ATRNL1: variants seen among roughly 807,000 people sequenced by gnomAD.
ATRNL1 encodes attractin-like protein 1.
Under a neutral mutation model 182.7 loss-of-function variants are expected in ATRNL1, and 95 were observed. The ratio of observed to expected loss-of-function variants is 0.52; its 90% CI spans 0.44 to 0.62. The LOEUF is 0.62. Among genes scored for constraint, ATRNL1 ranks in the 20% least tolerant of loss-of-function variants. The pLI, the probability that ATRNL1 is intolerant of heterozygous loss-of-function variation, is 0.00. For synonymous variants in ATRNL1, 576 were observed against 568.3 expected (o/e 1.01, Z -0.19); for missense variants, 1,471 against 1,679.5 (o/e 0.88, Z 2.17).
At chr10:115,829,197 C>G (rs1950506327) in intron 27 of ATRNL1, among the ~76,000 whole-genome samples, 1 of 152,080 alleles carries the variant, frequency 6.6e-6, no homozygotes, top group African/African-American at 2.4e-5. Flanking sequence ...ATGACCAGAC[C>G]TACAGGAAGA....
chr10:115,637,236 C>T (rs2133846476), intron 26 of ATRNL1, among the ~76,000 whole-genome samples: 1 of 152,202 alleles, frequency 6.6e-6, no homozygotes, highest in East Asian at 1.9e-4. Flanking sequence ...CACACAAGTC[C>T]TTTAGGAAGC....
intron 27 of ATRNL1, among the ~76,000 whole-genome samples, chr10:115,735,475 G>A (rs1947923347): frequency 6.6e-6 from 1 of 151,658 alleles, no homozygotes; most frequent in Admixed American, 6.6e-5. Context: ...TGAAATATGG[G>A]ATAGTACCAA....
chr10:115,134,899 G>A lies in ATRNL1; in HGVS notation c.829+5364G>A, dbSNP rs549923514. 4.6e-3 allele frequency among the ~76,000 whole-genome samples: 699 copies of A among 152,134 alleles called. 4 individuals are homozygous for A. The highest frequency in any genetic ancestry group is 0.015 in the African/African-American group (608 of 41,480). ...GTTCAACATATGCAAATCAATAAGC[G>A]TAATCCAGCATATAAACAGAACCAA... On this transcript the variant is annotated intron_variant, in intron 5 of 28. Transcript: ENST00000355044.
chr10:115,165,076 A>G (rs1466132767), intron 6 of ATRNL1, among the ~76,000 whole-genome samples: 7 of 152,200 alleles, frequency 4.6e-5, no homozygotes, highest in Admixed American at 3.3e-4. Flanking sequence ...TCAAAATACC[A>G]TGTGTATACC....
At chr10:115,119,286 A>G (rs1223359379) in intron 1 of ATRNL1, among the ~76,000 whole-genome samples, 1 of 152,076 alleles carries the variant, frequency 6.6e-6, no homozygotes, top group Non-Finnish European at 1.5e-5. Context: ...TTAAGGCTCT[A>G]TACTATAAGG....
chr10:115,503,649 A>G (rs1849958125), intron 24 of ATRNL1, among the ~76,000 whole-genome samples: 1 of 144,728 alleles, frequency 6.9e-6, no homozygotes, highest in African/African-American at 2.9e-5. Flanking sequence ...AGACCATTAC[A>G]ATTTCCCTTT....
chr10:115,131,203 A>G (rs1023366634), intron 5 of ATRNL1, among the ~76,000 whole-genome samples: 3 of 152,034 alleles, frequency 2.0e-5, no homozygotes, highest in Non-Finnish European at 4.4e-5. Context: ...TCAGTAGTCT[A>G]AGAACTACTT....
chr10:115,683,261 G>A (rs1198208076), intron 26 of ATRNL1, among the ~76,000 whole-genome samples: 5 of 151,886 alleles, frequency 3.3e-5, no homozygotes, highest in African/African-American at 9.7e-5. Flanking sequence ...CAACAGAGGT[G>A]CAAACATTAA....
At position 115,098,453 on chromosome 10, in the gene ATRNL1, C is replaced by CT. The variant is rs71010006; in HGVS notation, c.293+4436dup. 3.8e-3 allele frequency among the ~76,000 whole-genome samples: 304 copies of CT among 80,740 alleles called. 44 individuals are homozygous for CT. Among genetic ancestry groups the CT allele is most frequent in the African/African-American group, 0.01 (163 of 16,026 alleles). The allele number at this position is 80,740 out of a possible 152,430, so 53.0% of individuals were successfully genotyped here. On this transcript the variant is annotated intron_variant, in intron 1 of 28. Coordinates refer to ENST00000355044, the MANE Select transcript of ATRNL1 (RefSeq NM_207303.4). ...CTAATCTTAGCTTAAATACTAGTTT[C>CT]TTTTTTTTTTTTTTTTTTTTTTTTT...
At chr10:115,167,533 T>C (rs868928499) in intron 7 of ATRNL1, among the ~76,000 whole-genome samples, 2 of 152,050 alleles carry the variant, frequency 1.3e-5, no homozygotes, top group African/African-American at 4.8e-5. Context: ...AGGACACTTG[T>C]TTGGTTTTCA....
chr10:115,424,082 G>A (rs1055100044), intron 20 of ATRNL1, among the ~76,000 whole-genome samples: 4 of 152,024 alleles, frequency 2.6e-5, no homozygotes, highest in Non-Finnish European at 5.9e-5. Context: ...GAACTCAATA[G>A]CAAAAAACCC....
At chr10:115,177,953 CTG>C (rs1847596426) in intron 8 of ATRNL1, among the ~76,000 whole-genome samples, 1 of 106,618 alleles carries the variant, frequency 9.4e-6, no homozygotes, top group Non-Finnish European at 1.7e-5. Context: ...CAGTCTGACT[CTG>C]TTGCAGGGGC....
intron 25 of ATRNL1, among the ~76,000 whole-genome samples, chr10:115,542,627 A>G (rs1490416185): frequency 2.0e-5 from 3 of 152,208 alleles, no homozygotes; most frequent in Non-Finnish European, 4.4e-5. Context: ...AAATGTAGCT[A>G]GGACCCTGAT....
intron 9 of ATRNL1, among the ~76,000 whole-genome samples, chr10:115,233,931 C>T (rs1554900687): frequency 6.6e-6 from 1 of 151,366 alleles, no homozygotes; most frequent in Non-Finnish European, 1.5e-5. Flanking sequence ...GAGATTTGCA[C>T]ATGTTTTTTT....
intron 27 of ATRNL1, among the ~76,000 whole-genome samples, chr10:115,781,468 A>G (rs1329504841): frequency 6.6e-6 from 1 of 152,258 alleles, no homozygotes; most frequent in Non-Finnish European, 1.5e-5. Context: ...ACATTTTAGT[A>G]TAGTCACATA....
At position 115,286,199 on chromosome 10, in the gene ATRNL1, AT is replaced by A. The variant is rs782066227; in HGVS notation, c.2234-9del. ...TTTTGGTAATCTAACAATAAGACAC[AT>A]TTTTTTTCTTACTAGCTCATCTTTG... On this transcript the variant is annotated splice_polypyrimidine_tract_variant and intron_variant, in intron 14 of 28. Coordinates refer to ENST00000355044, the MANE Select transcript of ATRNL1 (RefSeq NM_207303.4). 123 of 1,372,568 alleles carry A rather than the reference AT, an allele frequency of 9.0e-5. No individual in the cohort carries two copies. Among genetic ancestry groups the A allele is most frequent in the South Asian group, 1.0e-4 (8 of 77,474 alleles). The allele number at this position is 1,372,568 out of a possible 1,614,324, so 85.0% of individuals were successfully genotyped here. A position where few individuals can be genotyped will look rare whatever the true frequency, so the allele number is the denominator to read the frequency against.
intron 27 of ATRNL1, among the ~76,000 whole-genome samples, chr10:115,841,498 G>T (rs1044089097): frequency 3.3e-5 from 5 of 152,022 alleles, no homozygotes; most frequent in African/African-American, 1.2e-4. Context: ...TGAAGTTTAC[G>T]GTTGGAATAC....
intron 28 of ATRNL1, among the ~76,000 whole-genome samples, chr10:115,929,206 G>A (rs1555120996): frequency 6.6e-6 from 1 of 151,808 alleles, no homozygotes. Context: ...ATTTATAGAT[G>A]CTATGTTTGA....
At chr10:115,127,769 A>G (rs1592137216) in intron 4 of ATRNL1, 48 bp downstream of exon 4, 4 of 1,276,750 alleles carry the variant, frequency 3.1e-6, no homozygotes, top group Admixed American at 3.4e-5. Flanking sequence ...TTGTAATTTA[A>G]TGTAAAAGAG....
Sources: gnomAD v4.1 joint callset for allele counts (sites outside exome capture counted in the v4.1 genomes callset) on GRCh38, gnomAD v4.1.1 for gene constraint, MANE v1.5 for transcripts, NCBI Gene and HGNC (gene_info 2026-07-23, HGNC 2026-07-21) for gene names.